The following TMEM235 variants were observed in gnomAD, a reference collection of about 807,000 sequenced individuals.
TMEM235 encodes transmembrane protein 235.
TMEM235 carries 23 observed loss-of-function variants against 22.9 expected under a neutral mutation model. That is an observed-to-expected ratio of 1.00 (90% confidence interval 0.72 to 1.42). TMEM235 has a LOEUF of 1.42. Ranked by LOEUF, TMEM235 falls within the 40% of genes most tolerant of loss-of-function variation. The pLI is 0.00. For missense variants in TMEM235, 308 were observed against 299.5 expected, an observed-to-expected ratio of 1.03 and a Z score of -0.21; for synonymous variants, 137 against 140.5, an observed-to-expected ratio of 0.98 and a Z score of 0.17.
chr17:78,238,873 G>T lies in TMEM235; in HGVS notation c.410-151G>T. On this transcript the variant is annotated intron_variant, in intron 4 of 5. Transcript: ENST00000421688. The surrounding 1 kb of genome is among the most constrained non-coding windows in gnomAD (Gnocchi z 4.3). ...GCGGCCAGGTTGACAGCCAGGCAGG[G>T]CTAACCATGACAGGAAGGGCGGTGT... The T allele has an allele frequency of 7.8e-7, 1 of 1,284,488 alleles. No homozygotes were observed. Among genetic ancestry groups the T allele is most frequent in the East Asian group, 2.6e-5 (1 of 38,988 alleles). The allele number at this position is 1,284,488 out of a possible 1,614,324, so 79.6% of individuals were successfully genotyped here.
At chr17:78,236,597 C>T (rs1163736544) in intron 4 of TMEM235, among the ~76,000 whole-genome samples, 1 of 152,256 alleles carries the variant, frequency 6.6e-6, no homozygotes, top group Non-Finnish European at 1.5e-5. Flanking sequence ...TTTCCACCGA[C>T]TGCCCAGCAC....
chr17:78,239,696 T>C, intron 5 of TMEM235, 84 bp from the exon 5 acceptor site: 1 of 1,468,882 alleles, frequency 6.8e-7, no homozygotes, highest in South Asian at 1.4e-5. Flanking sequence ...TAGGTGCCTG[T>C]TAAATGCCGC....
chr17:78,231,478 C>T (rs1424385165), exon 2 of TMEM235: 3 of 1,303,546 alleles, frequency 2.3e-6, no homozygotes, highest in Admixed American at 4.6e-5. Flanking sequence ...CACCGGATGC[C>T]GTCTGGTTGG....
exon 6 of TMEM235, chr17:78,239,802 C>T (rs1195581702): frequency 1.6e-5 from 25 of 1,548,708 alleles, no homozygotes; most frequent in Non-Finnish European, 1.9e-5. Flanking sequence ...AGGCCCAGAG[C>T]GGCAGAGGGA....
exon 2 of TMEM235, chr17:78,231,903 AGAAGAGCCGGGCGCCGCCGCGCCC>A (rs1490837627): frequency 2.0e-6 from 2 of 995,584 alleles, no homozygotes; most frequent in African/African-American, 3.5e-5. Context: ...GGACGTGCTC[AGAAGAGCCGGGCGCCGCCGCGCCC>A]GCCCGCCCCC....
In TMEM235 at chr17:78,232,307, C is replaced by T. The variant is rs574191874; in HGVS notation, c.190+94C>T. 6.1e-4 allele frequency: 743 copies of T among 1,226,098 alleles called. 5 individuals are homozygous for T. The African/African-American group carries it at 0.011, about 18-fold the overall frequency. 76.0% of individuals were successfully genotyped at this position (1,226,098 alleles called of 1,614,324 possible). Reference sequence around the variant, plus strand: ...CCTGCTCGTGTTGCCCCGCCAGACCCCCTTCCAGGACCCCTCTCTTGCATC... The same window carrying T: ...CCTGCTCGTGTTGCCCCGCCAGACCTCCTTCCAGGACCCCTCTCTTGCATC... On this transcript the variant is annotated intron_variant, in intron 2 of 5. Coordinates refer to ENST00000421688, the Ensembl canonical transcript of TMEM235.
exon 2 of TMEM235, chr17:78,231,938 C>T (rs576298174): frequency 4.0e-6 from 4 of 1,005,514 alleles, no homozygotes; most frequent in African/African-American, 1.7e-5. Context: ...GCCCGCCCCC[C>T]GTCCCCCGGC....
exon 5 of TMEM235, chr17:78,239,039 C>T (rs941904033): frequency 1.1e-5 from 17 of 1,540,838 alleles, no homozygotes; most frequent in South Asian, 3.6e-5. Flanking sequence ...CTGACACTGG[C>T]GGGGGTCAGC....
chr17:78,238,093 C>T lies in TMEM235; in HGVS notation c.410-931C>T, dbSNP rs986983898. Among the ~76,000 whole-genome samples the T allele has an allele frequency of 2.0e-5, 3 of 152,330 alleles. No homozygotes were observed. Among genetic ancestry groups the T allele is most frequent in the East Asian group, 1.9e-4 (1 of 5,170 alleles). On this transcript the variant is annotated intron_variant, in intron 4 of 5. Coordinates refer to ENST00000421688, the Ensembl canonical transcript of TMEM235. This position sits in a 1 kb window ranked among gnomAD's most constrained non-coding sequence, Gnocchi z 4.3. ...CCCCCTGGCTAACATTCCCTACAGT[C>T]GGCGCCAAGGACAGGCTTTCTCATC... is the stretch of plus-strand genomic sequence containing the variant.
chr17:78,240,190 G>A (rs2081106496), exon 6 of TMEM235: 2 of 690,932 alleles, frequency 2.9e-6, no homozygotes, highest in South Asian at 2.1e-5. Flanking sequence ...TGGCAGAGAT[G>A]GAAGTCCCAG....
Position 78,237,514 on chromosome 17 carries a change from T to A in TMEM235, c.410-1510T>A, listed in dbSNP as rs897636679. 6.6e-6 allele frequency among the ~76,000 whole-genome samples: 1 copy of A among 152,112 alleles called. No individual in the cohort carries two copies. Among genetic ancestry groups the A allele is most frequent in the Non-Finnish European group, 1.5e-5 (1 of 68,002 alleles). The stretch of plus-strand genomic sequence containing the variant: ...CCAGTTTGGGAGCTTACTCTTCACC[T>A]TCATTTTGGGAGAAAGGCCGTGTCC... On this transcript the variant is annotated intron_variant, in intron 4 of 5. Transcript: ENST00000421688. This position sits in a 1 kb window ranked among gnomAD's most constrained non-coding sequence, Gnocchi z 4.7.
intron 3 of TMEM235, 52 bp downstream of exon 2, chr17:78,234,027 G>A (rs767573986): frequency 9.1e-6 from 13 of 1,432,888 alleles, no homozygotes; most frequent in Admixed American, 2.2e-5. Context: ...TTCAGGCAAG[G>A]CAGATCCCAG....
At chr17:78,239,422 C>T (rs909386227) in intron 5 of TMEM235, 149 bp downstream of exon 4, 1 of 1,037,444 alleles carries the variant, frequency 9.6e-7, no homozygotes, top group Non-Finnish European at 1.4e-6. Context: ...AGGGCAGAGC[C>T]AAGAATCCAG....
In TMEM235 at chr17:78,239,275, T is replaced by C. The variant is rs944106142; in HGVS notation, c.659+2T>C. 2 of 1,538,134 alleles carry C rather than the reference T, an allele frequency of 1.3e-6. No homozygotes were observed. Among genetic ancestry groups the C allele is most frequent in the African/African-American group, 1.4e-5 (1 of 72,888 alleles). ...GAGTCCCCAGCAGGTGGGAGGGAGGTAAGAGGGGGCTGGGTTTCCCTTTGC... is the reference window on the plus strand; with the variant it reads ...GAGTCCCCAGCAGGTGGGAGGGAGGCAAGAGGGGGCTGGGTTTCCCTTTGC... On this transcript the variant is annotated splice_donor_variant, in intron 5 of 5. Transcript: ENST00000421688. LOFTEE classifies it high-confidence loss of function.
chr17:78,233,956 C>CTCGG lies in TMEM235; in HGVS notation c.254_257dup (p.Gln87GlyfsTer200). 6.5e-7 allele frequency: 1 copy of CTCGG among 1,532,284 alleles called. No homozygotes were observed. The highest frequency in any genetic ancestry group is 8.7e-7 in the Non-Finnish European group (1 of 1,145,030). The allele number at this position is 1,532,284 out of a possible 1,614,324, so 94.9% of individuals were successfully genotyped here. On this transcript the variant is annotated frameshift_variant, in exon 3 of 6. Coordinates refer to ENST00000421688, the Ensembl canonical transcript of TMEM235. LOFTEE classifies it high-confidence loss of function. ...CCAGTGAGAGCCTGGACGTCTCCAC[C>CTCGG]TCGGTGCAGCACCTCATCTGTGAGT... is the stretch of plus-strand genomic sequence containing the variant.
chr17:78,235,383 G>C (rs2076631357), intron 4 of TMEM235, among the ~76,000 whole-genome samples: 1 of 152,090 alleles, frequency 6.6e-6, no homozygotes, highest in African/African-American at 2.4e-5. Flanking sequence ...CGCATCCTGG[G>C]TTCGAGCAAT....
exon 6 of TMEM235, chr17:78,239,999 C>T: frequency 1.3e-6 from 2 of 1,538,084 alleles, no homozygotes. Flanking sequence ...CCCCTCTGCC[C>T]CCTCCCTTGT....
intron 1 of TMEM235, chr17:78,231,351 T>A: frequency 8.4e-7 from 1 of 1,192,894 alleles, no homozygotes; most frequent in Non-Finnish European, 1.1e-6. Flanking sequence ...CGTGAGTGAC[T>A]GGACAGGCAG....
chr17:78,236,019 C>T (rs1190241934), intron 4 of TMEM235, among the ~76,000 whole-genome samples: 1 of 152,224 alleles, frequency 6.6e-6, no homozygotes, highest in East Asian at 1.9e-4. Context: ...ATCCAGTCAT[C>T]TCCCACCAGG....
Sources: allele counts gnomAD v4.1 joint callset (sites outside exome capture counted in the v4.1 genomes callset), GRCh38; gene constraint gnomAD v4.1.1; non-coding constraint Gnocchi (gnomAD v3.1); transcripts MANE v1.5; gene names NCBI Gene and HGNC (gene_info 2026-07-23, HGNC 2026-07-21).